Variants in KRT5 observed in about 807,000 individuals in gnomAD.
The protein encoded by KRT5 is keratin 5.
KRT5 carries 17 observed loss-of-function variants against 44.0 expected under a neutral mutation model. That is an observed-to-expected ratio of 0.39 (90% CI 0.26 to 0.58). The LOEUF is 0.58. KRT5 is among the 20% of genes least tolerant of loss of function. The pLI is 0.61. For missense variants in KRT5, 737 were observed against 785.5 expected, an observed-to-expected ratio of 0.94 and a Z score of 0.74; for synonymous variants, 329 against 312.8, an observed-to-expected ratio of 1.05 and a Z score of -0.55.
Position 52,518,340 on chromosome 12 carries a change from T to C in KRT5, c.771-177A>G, listed in dbSNP as rs141204432. On this transcript the variant is annotated intron_variant, in intron 2 of 8. Coordinates refer to ENST00000252242, the MANE Select transcript of KRT5 (RefSeq NM_000424.4). ...TGGCCAAGGTCCCTCCCCATTTAAA[T>C]ACTGCTTTCTCTGTAACTGCCTACC... is the stretch of plus-strand genomic sequence containing the variant. 3.2e-4 allele frequency: 226 copies of C among 702,912 alleles called. 1 individual carries two copies. In the East Asian group the frequency reaches 6.1e-3, roughly 19 times the overall value. 43.5% of individuals were successfully genotyped at this position (702,912 alleles called of 1,614,324 possible).
intron 5 of KRT5, 35 bp from the exon 6 acceptor site, chr12:52,517,267 A>T: frequency 6.2e-7 from 1 of 1,613,434 alleles, no homozygotes; most frequent in Non-Finnish European, 8.5e-7. Flanking sequence ...GATTCTGTTT[A>T]TATGAGAATG....
At chr12:52,519,717 T>C (rs1184451320) in intron 1 of KRT5, 25 bp downstream of exon 1, 1 of 1,608,986 alleles carries the variant, frequency 6.2e-7, no homozygotes, top group Non-Finnish European at 8.5e-7. Flanking sequence ...CCCACAGTGA[T>C]TTTTTACAAA....
At position 52,515,257 on chromosome 12, in the gene KRT5, G is replaced by A. The variant is rs1938591346; in HGVS notation, c.1475-17C>T. 1.2e-6 allele frequency: 2 copies of A among 1,603,712 alleles called. No individual in the cohort carries two copies. The highest frequency in any genetic ancestry group is 1.7e-6 in the Non-Finnish European group (2 of 1,179,924). On this transcript the variant is annotated splice_polypyrimidine_tract_variant and intron_variant, in intron 8 of 8. Transcript: ENST00000252242. ...TGACAACAGCTGCAGGGAAAGGAGG[G>A]AGGACTCAGTGAGACCATCTGCCAG...
chr12:52,518,244 C>T (rs1938648082), intron 2 of KRT5, 81 bp from the exon 3 acceptor site: 1 of 1,365,082 alleles, frequency 7.3e-7, no homozygotes, highest in Admixed American at 1.7e-5. Flanking sequence ...CAACTGTAAG[C>T]CTACTTTTGC....
chr12:52,516,817 C>A lies in KRT5; in HGVS notation c.1259G>T (p.Arg420Leu). ...GGCATCCTTGAGGGCCAGCTCCCCA[C>A]GCTGCTCGGCATCCGCAATGGCGTT... Reference protein sequence around the residue: ...LQNAIADAEQRGELALKDARN... With the variant: ...LQNAIADAEQLGELALKDARN... Residue 420 changes from arginine to leucine, a missense_variant, in exon 7 of 9, where the codon CGT becomes CTT. Arg to Leu is a moderately radical substitution (Grantham distance 102). Transcript: ENST00000252242. 1 of 1,614,202 alleles carries A rather than the reference C, an allele frequency of 6.2e-7. No homozygotes were observed. Among genetic ancestry groups the A allele is most frequent in the South Asian group, 1.1e-5 (1 of 91,090 alleles).
Position 52,515,047 on chromosome 12 carries a change from G to A in KRT5, c.1668C>T (p.Ser556=). The change falls in exon 9 of 9, where the codon AGC becomes AGT. Residue 556 remains serine (S), a synonymous_variant. Transcript: ENST00000252242. The part of the protein sequence containing the change: ...LSVGGSGFSA[S]SGRGLGVGFG... Reference sequence around the variant, plus strand: ...AGCCCACCCCCAGCCCTCGGCCACTGCTTGCACTGAAGCCAGAGCCCCCCA... The same window carrying A: ...AGCCCACCCCCAGCCCTCGGCCACTACTTGCACTGAAGCCAGAGCCCCCCA... The A allele has an allele frequency of 1.2e-6, 2 of 1,607,070 alleles. No individual in the cohort carries two copies. The highest frequency in any genetic ancestry group is 1.7e-6 in the Non-Finnish European group (2 of 1,178,358).
chr12:52,519,756 A>T lies in KRT5; in HGVS notation c.541T>A (p.Ser181Thr). 1 of 1,613,966 alleles carries T rather than the reference A, an allele frequency of 6.2e-7. No homozygotes were observed. Among genetic ancestry groups the T allele is most frequent in the Non-Finnish European group, 8.5e-7 (1 of 1,179,940 alleles). ...QIKTLNNKFA[S>T]FIDKVRFLEQ... The stretch of plus-strand genomic sequence containing the variant: ...TCGTAGCTCACCTTGTCGATGAAGG[A>T]GGCAAACTTATTGTTGAGGGTCTTG... Residue 181 changes from serine (S) to threonine (T), a missense_variant, in exon 1 of 9, where the codon TCC (serine) becomes ACC (threonine). Coordinates refer to ENST00000252242, the MANE Select transcript of KRT5 (RefSeq NM_000424.4).
At position 52,520,032 on chromosome 12, in the gene KRT5, C is replaced by T. The variant is rs1207950244; in HGVS notation, c.265G>A (p.Ala89Thr). The T allele has an allele frequency of 1.2e-6, 2 of 1,614,010 alleles. No individual in the cohort carries two copies. Among genetic ancestry groups the T allele is most frequent in the South Asian group, 1.1e-5 (1 of 91,066 alleles). Residue 89 changes from alanine to threonine, a missense_variant, in exon 1 of 9, where the codon GCT becomes ACT. By Grantham distance (58) the Ala-to-Thr change is moderately conservative. Around this residue, in one of 5 missense-constraint regions of KRT5, gnomAD observed 326 missense variants for 333.1 expected, o/e 0.98. Transcript: ENST00000252242. ...SGGSFRNRFG[A>T]GAGGGYGFGG... ...AAGCCATAGCCGCCTCCAGCACCAG[C>T]ACCAAACCGGTTCCTGAAGCTGCCA...
In KRT5 at chr12:52,515,528, G is replaced by T. The variant is rs1938596422; in HGVS notation, c.1474+270C>A. ...CTGAGGGGAGGAGCTAGGTACTGGG[G>T]GGAGCTAGGTACTAGGGACAAGGCA... On this transcript the variant is annotated intron_variant, in intron 8 of 8. Transcript: ENST00000252242. 4 of 621,968 alleles carry T rather than the reference G, an allele frequency of 6.4e-6. No individual in the cohort carries two copies. In the Admixed American group the frequency reaches 8.0e-5, roughly 12 times the overall value. 38.5% of individuals were successfully genotyped at this position (621,968 alleles called of 1,614,324 possible). A position where few individuals can be genotyped will look rare whatever the true frequency, so the allele number is the denominator to read the frequency against.
chr12:52,519,254 A>G, intron 1 of KRT5, 94 bp from the exon 2 acceptor site: 1 of 1,548,186 alleles, frequency 6.5e-7, no homozygotes, highest in Non-Finnish European at 8.8e-7. Context: ...CCGTCCCTCT[A>G]AAGCTTTTCT....
Position 52,518,180 on chromosome 12 carries a change from T to A in KRT5, c.771-17A>T. On this transcript the variant is annotated splice_polypyrimidine_tract_variant and intron_variant, in intron 2 of 8. Coordinates refer to ENST00000252242, the MANE Select transcript of KRT5 (RefSeq NM_000424.4). ...TCCTCATACCTGGTGGTGAAAGGGA[T>A]GGGAAGTGTTTGTCAGAGGATGAGC... is the stretch of plus-strand genomic sequence containing the variant. 1.2e-6 allele frequency: 2 copies of A among 1,613,706 alleles called. No individual in the cohort carries two copies. Among genetic ancestry groups the A allele is most frequent in the East Asian group, 4.5e-5 (2 of 44,884 alleles).
chr12:52,515,490 G>A, intron 8 of KRT5: 1 of 630,806 alleles, frequency 1.6e-6, no homozygotes, highest in South Asian at 1.9e-5. Context: ...TAGGTACTGA[G>A]GGGAGCTAGG....
In KRT5 at chr12:52,520,375, A is replaced by G. The variant is rs1271274731; in HGVS notation, c.-79T>C. ...GCTGGAGAGAACAGAGCTCAGCAGG[A>G]CGCAGAAGGTGGCTCTGTTACCCAG... On this transcript the variant is annotated 5_prime_UTR_variant, in exon 1 of 9. Transcript: ENST00000252242. 3 of 1,384,062 alleles carry G rather than the reference A, an allele frequency of 2.2e-6. No homozygotes were observed. The highest frequency in any genetic ancestry group is 2.4e-5 in the East Asian group (1 of 42,448). The allele number at this position is 1,384,062 out of a possible 1,614,324, so 85.7% of individuals were successfully genotyped here. A position where few individuals can be genotyped will look rare whatever the true frequency, so the allele number is the denominator to read the frequency against.
chr12:52,517,484 T>G, intron 5 of KRT5, 106 bp downstream of exon 5: 1 of 1,262,228 alleles, frequency 7.9e-7, no homozygotes, highest in African/African-American at 1.5e-5. Context: ...AGCATCCCAA[T>G]GGGCTTCAGC....
At position 52,517,893 on chromosome 12, in the gene KRT5, T is replaced by C. The variant is rs1211641219; in HGVS notation, c.927+4A>G. The C allele has an allele frequency of 2.5e-6, 4 of 1,613,830 alleles. No individual in the cohort carries two copies. The highest frequency in any genetic ancestry group is 3.4e-6 in the Non-Finnish European group (4 of 1,179,634). ...CATGTGAAAAATTTAGATAAGTTTC[T>C]TACCGCATCAAAGAACATCTTCATG... On this transcript the variant is annotated splice_donor_region_variant and intron_variant, in intron 4 of 8. Transcript: ENST00000252242.
At chr12:52,516,196 G>A in intron 7 of KRT5, 1 of 436,310 alleles carries the variant, frequency 2.3e-6, no homozygotes, top group South Asian at 2.5e-5. Context: ...AGTAGGCAAT[G>A]GGCAATGTCA....
intron 4 of KRT5, 68 bp downstream of exon 4, chr12:52,517,829 C>A: frequency 6.2e-7 from 1 of 1,609,746 alleles, no homozygotes; most frequent in South Asian, 1.1e-5. Context: ...AAATCTTTCA[C>A]TCATTGTGAT....
rs200216169 is a variant in KRT5, at chr12:52,515,094, C to T, written c.1621G>A (p.Gly541Ser). Residue 541 changes from glycine to serine, a missense_variant, in exon 9 of 9, where the codon GGC (glycine) becomes AGC (serine). By Grantham distance (56) the Gly-to-Ser change is moderately conservative (BLOSUM62 0). This residue lies in a region of KRT5 where 344 missense variants were observed against 351.6 expected (regional missense o/e 0.98). Transcript: ENST00000252242. ...SYYSSSSGGV[G>S]LGGGLSVGGS... ...CCCACACTGAGCCCACCACCTAGGC[C>T]GACACCCCCACTGCTGCTGGAGTAG... 6 of 1,612,414 alleles carry T rather than the reference C, an allele frequency of 3.7e-6. No individual in the cohort carries two copies. Among genetic ancestry groups the T allele is most frequent in the African/African-American group, 2.7e-5 (2 of 74,684 alleles).
chr12:52,519,033 C>T lies in KRT5; in HGVS notation c.683G>A (p.Arg228Lys), dbSNP rs1301554451. The T allele has an allele frequency of 1.9e-6, 3 of 1,614,218 alleles. No individual in the cohort carries two copies. In the East Asian group the frequency reaches 6.7e-5, roughly 36 times the overall value. ...TTCCCCCACGATGCTGTCCAGCTGC[C>T]TCCTGAGGTTGTTGATGTACTGCTC... ...LFEQYINNLRRQLDSIVGERG... is the reference protein window; with the variant it reads ...LFEQYINNLRKQLDSIVGERG... Residue 228 changes from arginine to lysine, a missense_variant, in exon 2 of 9, where the codon AGG (arginine) becomes AAG (lysine). Physicochemically the swap from Arg to Lys is conservative, Grantham distance 26. Coordinates refer to ENST00000252242, the MANE Select transcript of KRT5 (RefSeq NM_000424.4).
Sources: allele counts gnomAD v4.1 joint callset, GRCh38; gene constraint gnomAD v4.1.1; regional missense constraint gnomAD v4.1.1; transcripts MANE v1.5; gene names NCBI Gene and HGNC (gene_info 2026-07-23, HGNC 2026-07-21).